TMEM59L: variants seen among roughly 807,000 people sequenced by gnomAD.
The protein encoded by TMEM59L is transmembrane protein 59 like, also known as transmembrane protein 59-like.
TMEM59L carries 31 observed loss-of-function variants against 39.6 expected under a neutral mutation model. That is an observed-to-expected ratio of 0.78 (90% confidence interval 0.59 to 1.06). The LOEUF (loss-of-function observed/expected upper bound fraction) is 1.06. Ranked by LOEUF, TMEM59L falls within the 50% of genes least tolerant of loss-of-function variation. The pLI is 0.00. For synonymous variants in TMEM59L, 219 were observed against 202.9 expected, an observed-to-expected ratio of 1.08 and a Z score of -0.68; for missense variants, 441 against 451.3, an observed-to-expected ratio of 0.98 and a Z score of 0.21.
At chr19:18,617,903 A>G (rs566098390) in intron 5 of TMEM59L, 2 of 532,980 alleles carry the variant, frequency 3.8e-6, no homozygotes, top group South Asian at 2.1e-5. Flanking sequence ...TCTTTGGTCT[A>G]TCTCTCAGGG....
intron 7 of TMEM59L, among the ~76,000 whole-genome samples, chr19:18,619,815 A>C (rs1256839732): frequency 1.3e-5 from 2 of 150,640 alleles, no homozygotes; most frequent in Admixed American, 1.3e-4. Context: ...AAAAAAAAAA[A>C]AAGAAAAAAA....
At position 18,620,397 on chromosome 19, in the gene TMEM59L, T is replaced by G; in HGVS notation, c.901-11T>G. 6.2e-7 allele frequency: 1 copy of G among 1,603,418 alleles called. No homozygotes were observed. Among genetic ancestry groups the G allele is most frequent in the Non-Finnish European group, 8.5e-7 (1 of 1,173,364 alleles). On this transcript the variant is annotated splice_polypyrimidine_tract_variant and intron_variant, in intron 7 of 7. Transcript: ENST00000262817. ...GTCCCTCCACTTCCCTCCTCCCCTC[T>G]CTTCCTGCAGCCTCTGACCCTGGAG...
chr19:18,614,335 C>G, intron 3 of TMEM59L, 140 bp downstream of exon 3: 2 of 907,480 alleles, frequency 2.2e-6, no homozygotes, highest in South Asian at 3.3e-5. Flanking sequence ...CTCCATCCAG[C>G]CCCGTCATGT....
chr19:18,613,050 C>T lies in TMEM59L; in HGVS notation c.92C>T (p.Pro31Leu), dbSNP rs1420562751. The T allele has an allele frequency of 7.2e-6, 10 of 1,389,120 alleles. No individual in the cohort carries two copies. Among genetic ancestry groups the T allele is most frequent in the Non-Finnish European group, 9.3e-6 (10 of 1,073,744 alleles). 86.0% of individuals were successfully genotyped at this position (1,389,120 alleles called of 1,614,324 possible). Reference protein sequence around the residue: ...PAASAPSARDPFAPQLGDTQN... With the variant: ...PAASAPSARDLFAPQLGDTQN... ...GCCTCCGCGCCGTCCGCCCGCGATC[C>T]CTTCGCCCCCCAGCTCGGGGACACG... The change falls in exon 1 of 8, where the codon CCC (proline) becomes CTC (leucine). Residue 31 changes from proline (P) to leucine (L), a missense_variant. Coordinates refer to ENST00000262817, the MANE Select transcript of TMEM59L (RefSeq NM_012109.3).
chr19:18,617,768 G>A, intron 5 of TMEM59L: 1 of 405,082 alleles, frequency 2.5e-6, no homozygotes, highest in Non-Finnish European at 4.7e-6. Context: ...ATCTCCCAGG[G>A]TTCCATGTTC....
rs1219643360 is a variant in TMEM59L at position 18,613,762 on chromosome 19, TGTC to T, written c.172-107_172-105del. On this transcript the variant is annotated intron_variant, in intron 1 of 7. Coordinates refer to ENST00000262817, the MANE Select transcript of TMEM59L (RefSeq NM_012109.3). ...CCAACTTCATCTCCATCTGGCTAGA[TGTC>T]GTGGGGAGCGGGGAAGCCTTTCCCT... is the stretch of plus-strand genomic sequence containing the variant. 7 of 804,570 alleles carry T rather than the reference TGTC, an allele frequency of 8.7e-6. No homozygotes were observed. The African/African-American group carries it at 1.2e-4, about 14-fold the overall frequency. 49.8% of individuals were successfully genotyped at this position (804,570 alleles called of 1,614,324 possible).
In TMEM59L at chr19:18,615,961, C is replaced by A. The variant is rs754712926; in HGVS notation, c.409-14C>A. The A allele has an allele frequency of 9.9e-6, 16 of 1,612,068 alleles. No individual in the cohort carries two copies. In the Middle Eastern group the frequency reaches 6.6e-4, roughly 67 times the overall value. ...TTCGGTGCCATCTTTGTGTCTTGGA[C>A]CTTTTTTCACCAGAGAAAGGTCCTG... is the stretch of plus-strand genomic sequence containing the variant. On this transcript the variant is annotated splice_polypyrimidine_tract_variant and intron_variant, in intron 3 of 7. Coordinates refer to ENST00000262817, the MANE Select transcript of TMEM59L (RefSeq NM_012109.3).
At chr19:18,620,162 C>T (rs569272648) in intron 7 of TMEM59L, among the ~76,000 whole-genome samples, 118 of 151,848 alleles carry the variant, frequency 7.8e-4, no homozygotes, top group African/African-American at 2.1e-3. Flanking sequence ...ATTAGCTGGG[C>T]GTGGTGGCGT....
In TMEM59L at chr19:18,612,873, A is replaced by C; in HGVS notation, c.-86A>C. 8.8e-7 allele frequency: 1 copy of C among 1,139,408 alleles called. No individual in the cohort carries two copies. Among genetic ancestry groups the C allele is most frequent in the Non-Finnish European group, 1.1e-6 (1 of 904,192 alleles). 70.6% of individuals were successfully genotyped at this position (1,139,408 alleles called of 1,614,324 possible). ...CAGGCTGCCTCGCTCGGGTGACGTC[A>C]GCGCCCCGGTCCCCGCCGCAGCCGC... On this transcript the variant is annotated 5_prime_UTR_variant, in exon 1 of 8. Transcript: ENST00000262817. The surrounding 1 kb of genome is among the most constrained non-coding windows in gnomAD (Gnocchi z 6.2).
chr19:18,614,263 T>A (rs1976405094), intron 3 of TMEM59L, 68 bp downstream of exon 3: 1 of 1,503,720 alleles, frequency 6.7e-7, no homozygotes, highest in African/African-American at 1.4e-5. Flanking sequence ...CCGTGGGAAA[T>A]CTTCATTCAC....
intron 4 of TMEM59L, among the ~76,000 whole-genome samples, chr19:18,616,351 G>A (rs985034552): frequency 2.6e-5 from 4 of 151,862 alleles, no homozygotes; most frequent in Non-Finnish European, 5.9e-5. Context: ...TAAGGTGGAT[G>A]CCAGAGGCTC....
chr19:18,615,806 C>T (rs904921929), intron 3 of TMEM59L, among the ~76,000 whole-genome samples, 169 bp from the exon 4 acceptor site: 18 of 152,144 alleles, frequency 1.2e-4, no homozygotes. Context: ...CAGGGTTTCA[C>T]GATGTTGTCC....
chr19:18,612,978 T>TGCC lies in TMEM59L; in HGVS notation c.21_23dup (p.Pro10dup), dbSNP rs756039506. ...CCGGCCATGGCTGCGGTGGCGCTGA[T>TGCC]GCCACCGCCGCTGCTGCTGCTGCTG... On this transcript the variant is annotated inframe_insertion, in exon 1 of 8. Transcript: ENST00000262817. This position sits in a 1 kb window ranked among gnomAD's most constrained non-coding sequence, Gnocchi z 6.2. The TGCC allele has an allele frequency of 6.3e-4, 844 of 1,345,804 alleles. No homozygotes were observed. The highest frequency in any genetic ancestry group is 7.6e-4 in the Non-Finnish European group (804 of 1,052,532). 83.4% of individuals were successfully genotyped at this position (1,345,804 alleles called of 1,614,324 possible).
At position 18,614,072 on chromosome 19, in the gene TMEM59L, C is replaced by T. The variant is rs111425749; in HGVS notation, c.317-32C>T. 310 of 1,612,590 alleles carry T rather than the reference C, an allele frequency of 1.9e-4. 3 individuals are homozygous for T. The African/African-American group carries it at 2.7e-3, about 14-fold the overall frequency. The stretch of plus-strand genomic sequence containing the variant: ...TGGGGAGAGGTGGCCTGGGAAGGGC[C>T]GTCCCCAGTCACCCGCTCCCACCTC... On this transcript the variant is annotated intron_variant, in intron 2 of 7. Transcript: ENST00000262817.
intron 5 of TMEM59L, chr19:18,617,352 T>C: frequency 1.7e-6 from 1 of 601,404 alleles, no homozygotes; most frequent in Non-Finnish European, 3.1e-6. Context: ...CCGGGTTCCA[T>C]GGTCTATTTA....
At chr19:18,618,987 G>A (rs899943950) in intron 7 of TMEM59L, among the ~76,000 whole-genome samples, 12 of 150,830 alleles carry the variant, frequency 8.0e-5, no homozygotes, top group African/African-American at 4.9e-5. Flanking sequence ...GACCCACCGC[G>A]CCCGGCCTAT....
Position 18,613,127 on chromosome 19 carries a change from C to G in TMEM59L, c.169C>G (p.Gln57Glu). Residue 57 changes from glutamine to glutamate, a missense_variant and splice_region_variant, in exon 1 of 8, where the codon CAG (glutamine) becomes GAG (glutamate). By Grantham distance (29) the Gln-to-Glu change is conservative. Coordinates refer to ENST00000262817, the MANE Select transcript of TMEM59L (RefSeq NM_012109.3). ...CCGCGACCTCGGCCCGCAGCCCTCGCAGGTGAGGCGCGTGCGGTGCCAGGT... is the reference window on the plus strand; with the variant it reads ...CCGCGACCTCGGCCCGCAGCCCTCGGAGGTGAGGCGCGTGCGGTGCCAGGT... Reference protein sequence around the residue: ...RDRDLGPQPSQAGLEGASESP... With the variant: ...RDRDLGPQPSEAGLEGASESP... The G allele has an allele frequency of 7.8e-7, 1 of 1,289,568 alleles. No individual in the cohort carries two copies. The highest frequency in any genetic ancestry group is 9.8e-7 in the Non-Finnish European group (1 of 1,022,358). The allele number at this position is 1,289,568 out of a possible 1,614,324, so 79.9% of individuals were successfully genotyped here.
At chr19:18,615,915 A>G (rs1976421928) in intron 3 of TMEM59L, 60 bp from the exon 4 acceptor site, 1 of 1,576,816 alleles carries the variant, frequency 6.3e-7, no homozygotes, top group Non-Finnish European at 8.6e-7. Context: ...GCCCCCTCCC[A>G]TTCATTGGTT....
intron 3 of TMEM59L, 110 bp downstream of exon 3, chr19:18,614,305 T>C (rs556076412): frequency 1.6e-6 from 2 of 1,284,110 alleles, no homozygotes; most frequent in Admixed American, 2.1e-5. Context: ...CTGCGTTCTA[T>C]ACCAGGCCTG....
Sources: allele counts gnomAD v4.1 joint callset (sites outside exome capture counted in the v4.1 genomes callset), GRCh38; gene constraint gnomAD v4.1.1; non-coding constraint Gnocchi (gnomAD v3.1); transcripts MANE v1.5; gene names NCBI Gene and HGNC (gene_info 2026-07-23, HGNC 2026-07-21).